SLBP: variants seen among roughly 807,000 people sequenced by gnomAD.
SLBP encodes the protein histone RNA hairpin-binding protein.
In SLBP, 29 loss-of-function variants were observed where a neutral mutation model predicts 39.2. That is an observed-to-expected ratio of 0.74 (90% CI 0.55 to 1.01). SLBP has a LOEUF of 1.01. Ranked by LOEUF, SLBP falls within the 50% of genes least tolerant of loss-of-function variation. The pLI is 0.00. For synonymous variants in SLBP, 129 were observed against 118.7 expected, an observed-to-expected ratio of 1.09 and a Z score of -0.57; for missense variants, 390 against 350.2, an observed-to-expected ratio of 1.11 and a Z score of -0.91.
At chr4:1,710,497 T>C (rs1246121627) in intron 2 of SLBP, among the ~76,000 whole-genome samples, 2 of 152,204 alleles carry the variant, frequency 1.3e-5, no homozygotes, top group Non-Finnish European at 2.9e-5. Flanking sequence ...AGGACATACC[T>C]AGAAGAACAC....
At chr4:1,706,419 AC>A (rs1716519511) in intron 2 of SLBP, among the ~76,000 whole-genome samples, 1 of 152,162 alleles carries the variant, frequency 6.6e-6, no homozygotes, top group African/African-American at 2.4e-5. Context: ...CTGTGTCAGG[AC>A]TCCGTCTACT....
chr4:1,709,338 C>T (rs1716643361), intron 2 of SLBP, among the ~76,000 whole-genome samples: 1 of 152,196 alleles, frequency 6.6e-6, no homozygotes. Flanking sequence ...CCACAAGAGG[C>T]CTCTGAGGAG....
chr4:1,711,756 A>G, intron 2 of SLBP, 118 bp downstream of exon 2: 1 of 480,896 alleles, frequency 2.1e-6, no homozygotes. Flanking sequence ...ACCAAGATAA[A>G]AGGACGCAGG....
chr4:1,710,632 G>A (rs1716715835), intron 2 of SLBP, among the ~76,000 whole-genome samples: 1 of 152,216 alleles, frequency 6.6e-6, no homozygotes, highest in Admixed American at 6.5e-5. Flanking sequence ...AAAGGAGCAG[G>A]TAGGGGAATA....
chr4:1,707,802 T>C (rs1409213818), intron 2 of SLBP, among the ~76,000 whole-genome samples: 1 of 151,882 alleles, frequency 6.6e-6, no homozygotes, highest in Non-Finnish European at 1.5e-5. Flanking sequence ...AAAATTAGGA[T>C]AGGCATAGTG....
At chr4:1,706,234 C>T (rs925859621) in intron 2 of SLBP, among the ~76,000 whole-genome samples, 1 of 151,828 alleles carries the variant, frequency 6.6e-6, no homozygotes, top group Non-Finnish European at 1.5e-5. Context: ...TGCAGTGAGC[C>T]GAAATTGCAC....
intron 5 of SLBP, among the ~76,000 whole-genome samples, chr4:1,698,488 A>T (rs1288363517): frequency 6.6e-6 from 1 of 151,654 alleles, no homozygotes; most frequent in African/African-American, 2.4e-5. Context: ...AAAAAAAAAA[A>T]AAATTGTTTT....
chr4:1,704,171 G>T (rs1180006632), intron 2 of SLBP, among the ~76,000 whole-genome samples: 1 of 152,104 alleles, frequency 6.6e-6, no homozygotes, highest in Non-Finnish European at 1.5e-5. Context: ...AGTAGTCCAG[G>T]GCTATCATAT....
chr4:1,704,141 C>T (rs919106542), intron 2 of SLBP, among the ~76,000 whole-genome samples: 3 of 152,234 alleles, frequency 2.0e-5, no homozygotes, highest in East Asian at 1.9e-4. Flanking sequence ...ATTATGATTC[C>T]TTTTGGGTGT....
At chr4:1,707,982 G>A (rs547995745) in intron 2 of SLBP, among the ~76,000 whole-genome samples, 5 of 152,054 alleles carry the variant, frequency 3.3e-5, no homozygotes, top group African/African-American at 9.6e-5. Flanking sequence ...AGGAGGCTGA[G>A]GCAGGAGAAT....
At chr4:1,706,982 G>T (rs1399923542) in intron 2 of SLBP, among the ~76,000 whole-genome samples, 2 of 151,620 alleles carry the variant, frequency 1.3e-5, no homozygotes, top group Non-Finnish European at 2.9e-5. Context: ...CACTTTGGGA[G>T]GCCGAGGCGG....
At position 1,693,263 on chromosome 4, in the gene SLBP, A is replaced by C. The variant is rs2109111316; in HGVS notation, c.*334T>G. On this transcript the variant is annotated 3_prime_UTR_variant, in exon 8 of 8. Transcript: ENST00000489418. ...TAAATCCAAAACAGTCCACCTGACAAGCAATAACTGAAGATGCCTGTGGAA... is the reference window on the plus strand; with the variant it reads ...TAAATCCAAAACAGTCCACCTGACACGCAATAACTGAAGATGCCTGTGGAA... 4.6e-6 allele frequency: 1 copy of C among 218,168 alleles called. No homozygotes were observed. The highest frequency in any genetic ancestry group is 2.3e-5 in the African/African-American group (1 of 43,612). 13.5% of individuals were successfully genotyped at this position (218,168 alleles called of 1,614,324 possible). A position where few individuals can be genotyped will look rare whatever the true frequency, so the allele number is the denominator to read the frequency against.
At position 1,711,987 on chromosome 4, in the gene SLBP, C is replaced by G; in HGVS notation, c.63G>C (p.Pro21=). The G allele has an allele frequency of 1.5e-6, 2 of 1,292,306 alleles. No individual in the cohort carries two copies. The highest frequency in any genetic ancestry group is 2.0e-6 in the Non-Finnish European group (2 of 1,019,830). The allele number at this position is 1,292,306 out of a possible 1,614,324, so 80.1% of individuals were successfully genotyped here. Residue 21 remains proline (P), a synonymous_variant, in exon 2 of 8, where the codon CCG becomes CCC. Coordinates refer to ENST00000489418, the MANE Select transcript of SLBP (RefSeq NM_006527.4). ...HQSRCDGDAS[P]PSPARWSLGR... ...CCAGGCTCCATCGCGCGGGGGACGG[C>G]GGGCTGCGGGGAGGGACGCGGTCGG...
chr4:1,695,642 G>A (rs1187905915), intron 6 of SLBP, among the ~76,000 whole-genome samples: 1 of 152,034 alleles, frequency 6.6e-6, no homozygotes, highest in Non-Finnish European at 1.5e-5. Context: ...ATAGCTGGGC[G>A]TGGTGGCGCG....
In SLBP at chr4:1,711,910, T is replaced by C; in HGVS notation, c.140A>G (p.Glu47Gly). ...GCGCTCGGCGCCGCGGTGCTCTGCC[T>C]CCTCGGCGTCTTCGGGCCTCCAGCG... ...GRRWRPEDAE[E>G]AEHRGAERRP... The change falls in exon 2 of 8, where the codon GAG becomes GGG. Residue 47 changes from glutamate to glycine, a missense_variant. Coordinates refer to ENST00000489418, the MANE Select transcript of SLBP (RefSeq NM_006527.4). The C allele has an allele frequency of 7.3e-7, 1 of 1,366,022 alleles. No individual in the cohort carries two copies. The highest frequency in any genetic ancestry group is 9.4e-7 in the Non-Finnish European group (1 of 1,058,556). 84.6% of individuals were successfully genotyped at this position (1,366,022 alleles called of 1,614,324 possible).
Position 1,712,217 on chromosome 4 carries a change from G to T in SLBP, c.-29C>A. On this transcript the variant is annotated 5_prime_UTR_variant, in exon 1 of 8. Transcript: ENST00000489418. ...AGCACGGGCCGGGCGCGCAGCGCAG[G>T]GCCGAGGCTGAGGCGGCGGCGGCGC... 1 of 1,253,206 alleles carries T rather than the reference G, an allele frequency of 8.0e-7. No individual in the cohort carries two copies. The highest frequency in any genetic ancestry group is 1.0e-6 in the Non-Finnish European group (1 of 992,586). 77.6% of individuals were successfully genotyped at this position (1,253,206 alleles called of 1,614,324 possible).
Position 1,711,996 on chromosome 4 carries a change from G to A in SLBP, c.60-6C>T, listed in dbSNP as rs568756361. On this transcript the variant is annotated splice_region_variant and splice_polypyrimidine_tract_variant and intron_variant, in intron 1 of 7. Transcript: ENST00000489418. ...ATCGCGCGGGGGACGGCGGGCTGCG[G>A]GGAGGGACGCGGTCGGCTGGGCACG... 22 of 1,288,764 alleles carry A rather than the reference G, an allele frequency of 1.7e-5. No individual in the cohort carries two copies. Among genetic ancestry groups the A allele is most frequent in the East Asian group, 9.4e-5 (3 of 31,764 alleles). 79.8% of individuals were successfully genotyped at this position (1,288,764 alleles called of 1,614,324 possible).
Position 1,709,846 on chromosome 4 carries a change from C to T in SLBP, c.176+2028G>A, listed in dbSNP as rs1006971862. Among the ~76,000 whole-genome samples, 7 of 152,324 alleles carry T rather than the reference C, an allele frequency of 4.6e-5. No homozygotes were observed. The South Asian group carries it at 1.4e-3, about 32-fold the overall frequency. On this transcript the variant is annotated intron_variant, in intron 2 of 7. Transcript: ENST00000489418. ...CAGGATGGTCTCCATCTCCTGACCT[C>T]GTGATCCACCCGCCTTTTGCCAAGG...
intron 5 of SLBP, 146 bp downstream of exon 5, chr4:1,699,418 G>T (rs762705070): frequency 1.7e-6 from 1 of 593,880 alleles, no homozygotes; most frequent in Non-Finnish European, 2.8e-6. Flanking sequence ...CTTTATTTAC[G>T]TCATAAGCCC....
Sources: allele counts gnomAD v4.1 joint callset (sites outside exome capture counted in the v4.1 genomes callset), GRCh38; gene constraint gnomAD v4.1.1; transcripts MANE v1.5; gene names NCBI Gene and HGNC (gene_info 2026-07-23, HGNC 2026-07-21).